Variants in OR56A3 observed in about 807,000 individuals in gnomAD.
The protein encoded by OR56A3 is olfactory receptor family 56 subfamily A member 3.
A neutral mutation model predicts 17.5 loss-of-function variants in OR56A3; 23 were observed. The observed-to-expected ratio is 1.32, with a 90% confidence interval of 0.95 to 1.87. OR56A3 has a LOEUF of 1.87. Among genes scored for constraint, OR56A3 ranks in the 40% most tolerant of loss-of-function variants. The pLI, the probability that OR56A3 is intolerant of heterozygous loss-of-function variation, is 0.00. For missense variants in OR56A3, 366 were observed against 380.1 expected, an observed-to-expected ratio of 0.96 and a Z score of 0.31; for synonymous variants, 175 against 150.6, an observed-to-expected ratio of 1.16 and a Z score of -1.19.
the OR56A3 span, among the ~76,000 whole-genome samples, chr11:5,978,014 G>T: frequency 1.3e-5 from 2 of 152,152 alleles, no homozygotes; most frequent in Non-Finnish European, 2.9e-5. Context: ...TAAACTGGTT[G>T]CAGGTATGCA....
chr11:6,001,872 A>C, the OR56A3 span: 2 of 596,502 alleles, frequency 3.4e-6, no homozygotes, highest in African/African-American at 3.8e-5. Flanking sequence ...TTCAAGCAAC[A>C]GAAAACAAAG....
chr11:5,953,950 T>C (rs1847920755), downstream of OR56A3, among the ~76,000 whole-genome samples: 1 of 152,118 alleles, frequency 6.6e-6, no homozygotes, highest in Non-Finnish European at 1.5e-5. Context: ...ATAAGCACTA[T>C]ATCAAAGTTG....
At position 5,947,598 on chromosome 11, in the gene OR56A3, G is replaced by A. The variant is rs2134363028; in HGVS notation, c.252G>A (p.Lys84=). 1 of 1,614,098 alleles carries A rather than the reference G, an allele frequency of 6.2e-7. No individual in the cohort carries two copies. The highest frequency in any genetic ancestry group is 1.7e-5 in the Admixed American group (1 of 60,022). The change falls in exon 3 of 3, where the codon AAG becomes AAA. Residue 84 remains lysine, a synonymous_variant. Coordinates refer to ENST00000641160, the MANE Select transcript of OR56A3 (RefSeq NM_001003443.3). ...DIVLCLTVIP[K]VLTIFWFDLR... ...TGCTCTGCCTCACTGTCATCCCCAA[G>A]GTCCTGACCATCTTCTGGTTTGACC...
At chr11:5,979,240 C>A in the OR56A3 span, among the ~76,000 whole-genome samples, 2 of 151,414 alleles carry the variant, frequency 1.3e-5, no homozygotes, top group Non-Finnish European at 2.9e-5. Context: ...CCTCATAGAA[C>A]AAGTTGGGAA....
the OR56A3 span, among the ~76,000 whole-genome samples, chr11:5,960,081 G>C: frequency 6.6e-6 from 1 of 152,144 alleles, no homozygotes; most frequent in Non-Finnish European, 1.5e-5. Flanking sequence ...TTGTAGCATA[G>C]TTTAAAATAA....
At position 5,948,775 on chromosome 11, in the gene OR56A3, T is replaced by G. The variant is rs1203238157; in HGVS notation, c.*481T>G. 6.3e-6 allele frequency: 1 copy of G among 158,140 alleles called. No homozygotes were observed. Among genetic ancestry groups the G allele is most frequent in the African/African-American group, 2.4e-5 (1 of 41,480 alleles). The allele number at this position is 158,140 out of a possible 1,614,324, so 9.8% of individuals were successfully genotyped here. On this transcript the variant is annotated 3_prime_UTR_variant, in exon 3 of 3. Transcript: ENST00000641160. ...TTGCTACTGGTCTGTAAGTAGGTCT[T>G]TTTCTCTCACCCTTCAACCACATCA... is the stretch of plus-strand genomic sequence containing the variant.
At chr11:5,981,270 G>T in the OR56A3 span, among the ~76,000 whole-genome samples, 1 of 152,178 alleles carries the variant, frequency 6.6e-6, no homozygotes, top group Non-Finnish European at 1.5e-5. Flanking sequence ...CAAGTTGCTT[G>T]CTCCCTCTCC....
chr11:5,973,667 T>C, the OR56A3 span, among the ~76,000 whole-genome samples: 4 of 152,168 alleles, frequency 2.6e-5, no homozygotes, highest in South Asian at 2.1e-4. Context: ...AACAGTTGGG[T>C]TTAATCCAGC....
chr11:5,957,717 A>G, the OR56A3 span, among the ~76,000 whole-genome samples: 1 of 152,224 alleles, frequency 6.6e-6, no homozygotes, highest in African/African-American at 2.4e-5. Flanking sequence ...AAGAGTTGCA[A>G]ATAAGTGAAA....
the OR56A3 span, among the ~76,000 whole-genome samples, chr11:5,981,852 C>T: frequency 6.6e-6 from 1 of 152,126 alleles, no homozygotes; most frequent in Non-Finnish European, 1.5e-5. Flanking sequence ...TATTCTTTGG[C>T]GCCCTTAAGG....
At chr11:5,945,331 T>C (rs1039169756) in intron 2 of OR56A3, among the ~76,000 whole-genome samples, 11 of 152,110 alleles carry the variant, frequency 7.2e-5, no homozygotes, top group African/African-American at 2.7e-4. Flanking sequence ...TCCCAGCACT[T>C]TGGGAGGCTG....
the OR56A3 span, among the ~76,000 whole-genome samples, chr11:5,960,557 A>C: frequency 1.3e-5 from 2 of 152,176 alleles, no homozygotes; most frequent in African/African-American, 4.8e-5. Context: ...TCGCTCACTC[A>C]GTGCTCAATG....
At chr11:6,012,035 C>T in the OR56A3 span, among the ~76,000 whole-genome samples, 1 of 152,214 alleles carries the variant, frequency 6.6e-6, no homozygotes, top group Non-Finnish European at 1.5e-5. Context: ...GCTCCCAGAT[C>T]TGGGCTCCCG....
chr11:5,997,524 A>G, the OR56A3 span, among the ~76,000 whole-genome samples: 7 of 152,350 alleles, frequency 4.6e-5, no homozygotes, highest in Middle Eastern at 3.4e-3. Context: ...TATTTTAGGC[A>G]TCTGAACCTA....
the OR56A3 span, chr11:6,016,910 G>T: frequency 6.6e-6 from 1 of 151,780 alleles, no homozygotes; most frequent in Non-Finnish European, 1.5e-5. Flanking sequence ...AATAGACTAG[G>T]TTAAGCAGAA....
chr11:5,949,215 A>C lies in OR56A3; in HGVS notation c.*921A>C, dbSNP rs1418708067. 1 of 152,246 alleles carries C rather than the reference A, an allele frequency of 6.6e-6. No individual in the cohort carries two copies. Among genetic ancestry groups the C allele is most frequent in the African/African-American group, 2.4e-5 (1 of 41,466 alleles). 9.4% of individuals were successfully genotyped at this position (152,246 alleles called of 1,614,324 possible). ...ATTATGTTAGCTATTAAGAAACAAAAATAAAAAGAATATTGTTGTTGATTT... is the reference window on the plus strand; with the variant it reads ...ATTATGTTAGCTATTAAGAAACAAACATAAAAAGAATATTGTTGTTGATTT... On this transcript the variant is annotated 3_prime_UTR_variant, in exon 3 of 3. Coordinates refer to ENST00000641160, the MANE Select transcript of OR56A3 (RefSeq NM_001003443.3).
At chr11:5,986,054 G>A in the OR56A3 span, 7 of 1,613,928 alleles carry the variant, frequency 4.3e-6, no homozygotes, top group Non-Finnish European at 5.1e-6. Flanking sequence ...GTGGCCAGAA[G>A]AACATGGACA....
chr11:5,993,997 T>C, the OR56A3 span: 118 of 453,382 alleles, frequency 2.6e-4, no homozygotes, highest in African/African-American at 2.1e-3. Context: ...ACAACCAAGA[T>C]TGAAATCTTT....
the OR56A3 span, among the ~76,000 whole-genome samples, chr11:6,004,837 A>G: frequency 6.6e-6 from 1 of 152,200 alleles, no homozygotes; most frequent in African/African-American, 2.4e-5. Context: ...GTGAGAAAAT[A>G]GTGTTTTCTT....
Sources: allele counts gnomAD v4.1 joint callset (sites outside exome capture counted in the v4.1 genomes callset), GRCh38; gene constraint gnomAD v4.1.1; transcripts MANE v1.5; gene names NCBI Gene and HGNC (gene_info 2026-07-23, HGNC 2026-07-21).